NFIX: variants seen among roughly 807,000 people sequenced by gnomAD.
NFIX encodes the protein nuclear factor 1 X-type.
In NFIX, 2 loss-of-function variants were observed where a neutral mutation model predicts 53.3. That is an observed-to-expected ratio of 0.04 (90% confidence interval 0.02 to 0.12). The LOEUF (loss-of-function observed/expected upper bound fraction) is 0.12, where lower values mean the gene tolerates loss of function less well. NFIX is among the 10% of genes least tolerant of loss of function. The pLI is 1.00. For synonymous variants in NFIX, 244 were observed against 289.0 expected, an observed-to-expected ratio of 0.84 and a Z score of 1.58; for missense variants, 310 against 674.5, an observed-to-expected ratio of 0.46 and a Z score of 5.99.
chr19:13,041,793 CAAAAAA>C (rs755429201), intron 2 of NFIX, among the ~76,000 whole-genome samples: 1 of 103,304 alleles, frequency 9.7e-6, no homozygotes, highest in African/African-American at 3.1e-5. Context: ...GACTCCGTCT[CAAAAAA>C]AAAAAAAAAA....
Position 13,075,562 on chromosome 19 carries a change from T to G in NFIX, c.846T>G (p.Asp282Glu). Reference sequence around the variant, plus strand: ...CCACCAAGCGCCCCAAGTCCATCGATGACAGTGAGATGGAGAGCCCTGTTG... The same window carrying G: ...CCACCAAGCGCCCCAAGTCCATCGAGGACAGTGAGATGGAGAGCCCTGTTG... ...TSTTKRPKSI[D>E]DSEMESPVDD... Residue 282 changes from aspartate (D) to glutamate (E), a missense_variant, in exon 6 of 11, where the codon GAT becomes GAG. By Grantham distance (45) the Asp-to-Glu change is conservative. Around this residue, in one of 5 missense-constraint regions of NFIX, gnomAD observed 164 missense variants for 284.4 expected, o/e 0.58. Transcript: ENST00000592199. 1 of 1,613,766 alleles carries G rather than the reference T, an allele frequency of 6.2e-7. No individual in the cohort carries two copies. The highest frequency in any genetic ancestry group is 8.5e-7 in the Non-Finnish European group (1 of 1,179,796).
chr19:13,058,387 C>T (rs185929861), intron 2 of NFIX, among the ~76,000 whole-genome samples: 1 of 152,130 alleles, frequency 6.6e-6, no homozygotes, highest in African/African-American at 2.4e-5. Flanking sequence ...GAGCTCACAT[C>T]CGTAATCAAT....
intron 2 of NFIX, among the ~76,000 whole-genome samples, chr19:13,046,465 TCCC>T (rs369335435): frequency 4.0e-5 from 6 of 150,634 alleles, no homozygotes; most frequent in African/African-American, 1.2e-4. Flanking sequence ...CGCGTTGCCT[TCCC>T]CCCCCCTCTT....
intron 2 of NFIX, among the ~76,000 whole-genome samples, chr19:13,048,215 C>T (rs140538921): frequency 6.6e-6 from 1 of 152,352 alleles, no homozygotes; most frequent in African/African-American, 2.4e-5. Context: ...GGTCTGATTT[C>T]TCCTTGTGAA....
rs868193476 is a variant in NFIX, at chr19:13,094,372, C to T, written c.1495-263C>T. On this transcript the variant is annotated intron_variant, in intron 10 of 10. Coordinates refer to ENST00000592199, the MANE Select transcript of NFIX (RefSeq NM_001365902.3). The surrounding 1 kb of genome is among the most constrained non-coding windows in gnomAD (Gnocchi z 4.3). ...CAGCGCCAGCCATGGGGGTCCCACC[C>T]GCTGGGCACAGTGCCCACGGGAAGG... 6.6e-6 allele frequency among the ~76,000 whole-genome samples: 1 copy of T among 152,218 alleles called. No individual in the cohort carries two copies. The highest frequency in any genetic ancestry group is 2.1e-4 in the South Asian group (1 of 4,834).
At chr19:13,015,790 TCACA>T (rs5827172) in intron 1 of NFIX, among the ~76,000 whole-genome samples, 83 of 132,146 alleles carry the variant, frequency 6.3e-4, no homozygotes, top group African/African-American at 1.8e-3. Context: ...CATAGAGAGA[TCACA>T]CACACACACA....
At chr19:13,053,639 G>C (rs748331250) in intron 2 of NFIX, among the ~76,000 whole-genome samples, 8 of 152,176 alleles carry the variant, frequency 5.3e-5, no homozygotes, top group Non-Finnish European at 1.0e-4. Flanking sequence ...TAGAGGTAGA[G>C]GCAGAGAAGG....
rs1236384528 is a variant in NFIX, at chr19:13,006,220, C to T, written c.27+10356C>T. ...GCTGTGGTTTTAGCAGAGGTGGGCACGGAGACCTCATGGTGAGATGATGAT... is the reference window on the plus strand; with the variant it reads ...GCTGTGGTTTTAGCAGAGGTGGGCATGGAGACCTCATGGTGAGATGATGAT... On this transcript the variant is annotated intron_variant, in intron 1 of 10. Transcript: ENST00000592199. This position sits in a 1 kb window ranked among gnomAD's most constrained non-coding sequence, Gnocchi z 5.6. Among the ~76,000 whole-genome samples the T allele has an allele frequency of 6.6e-6, 1 of 152,134 alleles. No homozygotes were observed. Among genetic ancestry groups the T allele is most frequent in the Non-Finnish European group, 1.5e-5 (1 of 68,024 alleles).
intron 2 of NFIX, among the ~76,000 whole-genome samples, chr19:13,061,281 C>T (rs2016070435): frequency 6.6e-6 from 1 of 152,234 alleles, no homozygotes; most frequent in African/African-American, 2.4e-5. Flanking sequence ...GCAAGCTGTT[C>T]CTAATCAATG....
At chr19:13,059,926 G>A (rs980232877) in intron 2 of NFIX, among the ~76,000 whole-genome samples, 12 of 151,902 alleles carry the variant, frequency 7.9e-5, no homozygotes, top group African/African-American at 2.9e-4. Flanking sequence ...TGGGACTAGA[G>A]GCATGTGCCA....
chr19:13,017,379 A>G (rs960518908), intron 1 of NFIX, among the ~76,000 whole-genome samples: 7 of 152,218 alleles, frequency 4.6e-5, no homozygotes, highest in African/African-American at 1.2e-4. Flanking sequence ...ACCTCTTTCT[A>G]ACTCCTAAAA....
rs1019887311 is a variant in NFIX at position 13,093,921 on chromosome 19, A to G, written c.1495-714A>G. Among the ~76,000 whole-genome samples, 1 of 152,138 alleles carries G rather than the reference A, an allele frequency of 6.6e-6. No homozygotes were observed. Among genetic ancestry groups the G allele is most frequent in the African/African-American group, 2.4e-5 (1 of 41,434 alleles). The stretch of plus-strand genomic sequence containing the variant: ...TGCTCTGAGCTGAGCCACCAGACAC[A>G]GGCAGACAAGACAAGGCCCTGTCTG... On this transcript the variant is annotated intron_variant, in intron 10 of 10. Coordinates refer to ENST00000592199, the MANE Select transcript of NFIX (RefSeq NM_001365902.3). This position sits in a 1 kb window ranked among gnomAD's most constrained non-coding sequence, Gnocchi z 4.7.
chr19:13,023,755 C>G (rs2013102281), intron 1 of NFIX, among the ~76,000 whole-genome samples: 1 of 150,042 alleles, frequency 6.7e-6, no homozygotes, highest in South Asian at 2.1e-4. Flanking sequence ...CTTGCTATCC[C>G]TGACCTTTCT....
Position 13,027,652 on chromosome 19 carries a change from C to G in NFIX, c.559+2100C>G, listed in dbSNP as rs897495593. Among the ~76,000 whole-genome samples the G allele has an allele frequency of 6.6e-6, 1 of 152,158 alleles. No individual in the cohort carries two copies. The highest frequency in any genetic ancestry group is 2.4e-5 in the African/African-American group (1 of 41,424). On this transcript the variant is annotated intron_variant, in intron 2 of 10. Coordinates refer to ENST00000592199, the MANE Select transcript of NFIX (RefSeq NM_001365902.3). The surrounding 1 kb of genome is among the most constrained non-coding windows in gnomAD (Gnocchi z 4.3). Reference sequence around the variant, plus strand: ...GGCCTCTTTTATTTTAGGCCGAATTCTTGACTGCTGCCAGTGTGGGGCTAA... The same window carrying G: ...GGCCTCTTTTATTTTAGGCCGAATTGTTGACTGCTGCCAGTGTGGGGCTAA...
chr19:13,076,868 C>G (rs2145449080), intron 6 of NFIX, among the ~76,000 whole-genome samples: 1 of 152,236 alleles, frequency 6.6e-6, no homozygotes, highest in African/African-American at 2.4e-5. Context: ...GCCTCCAGGC[C>G]TCAGGCTGAG....
Position 12,998,928 on chromosome 19 carries a change from A to G in NFIX, c.27+3064A>G, listed in dbSNP as rs1054598909. Among the ~76,000 whole-genome samples the G allele has an allele frequency of 2.6e-5, 4 of 152,130 alleles. No individual in the cohort carries two copies. The highest frequency in any genetic ancestry group is 9.7e-5 in the African/African-American group (4 of 41,424). Reference sequence around the variant, plus strand: ...GTTCACAACCACCCCCAGCGCACACATAAACACTCACAAACCCCTCGAGAT... The same window carrying G: ...GTTCACAACCACCCCCAGCGCACACGTAAACACTCACAAACCCCTCGAGAT... On this transcript the variant is annotated intron_variant, in intron 1 of 10. Transcript: ENST00000592199. The surrounding 1 kb of genome is among the most constrained non-coding windows in gnomAD (Gnocchi z 4.4).
chr19:13,055,008 G>A (rs888259524), intron 2 of NFIX, among the ~76,000 whole-genome samples: 3 of 152,028 alleles, frequency 2.0e-5, no homozygotes, highest in Non-Finnish European at 2.9e-5. Context: ...AGAACTTTCC[G>A]TCGGTTCTTT....
intron 2 of NFIX, among the ~76,000 whole-genome samples, chr19:13,059,654 G>A (rs963158494): frequency 6.6e-6 from 1 of 152,074 alleles, no homozygotes; most frequent in Admixed American, 6.5e-5. Context: ...AAGGACTTTG[G>A]GGAACCCTAC....
At position 13,018,659 on chromosome 19, in the gene NFIX, A is replaced by G. The variant is rs563972764; in HGVS notation, c.28-6362A>G. Reference sequence around the variant, plus strand: ...TGGCCCCCAACTGAGGGGAGGCCCCACCCTCCTCTAGGATAAGCAGCAGGG... The same window carrying G: ...TGGCCCCCAACTGAGGGGAGGCCCCGCCCTCCTCTAGGATAAGCAGCAGGG... On this transcript the variant is annotated intron_variant, in intron 1 of 10. Coordinates refer to ENST00000592199, the MANE Select transcript of NFIX (RefSeq NM_001365902.3). 3.0e-4 allele frequency among the ~76,000 whole-genome samples: 45 copies of G among 152,148 alleles called. 1 individual carries two copies. The South Asian group carries it at 9.4e-3, about 32-fold the overall frequency.
Sources: allele counts gnomAD v4.1 joint callset (sites outside exome capture counted in the v4.1 genomes callset), GRCh38; gene constraint gnomAD v4.1.1; regional missense constraint gnomAD v4.1.1; non-coding constraint Gnocchi (gnomAD v3.1); transcripts MANE v1.5; gene names NCBI Gene and HGNC (gene_info 2026-07-23, HGNC 2026-07-21).